AOAH: variants seen among roughly 807,000 people sequenced by gnomAD.
AOAH encodes acyloxyacyl hydrolase (neutrophil).
Under a neutral mutation model 92.2 loss-of-function variants are expected in AOAH, and 64 were observed. The ratio of observed to expected loss-of-function variants is 0.69; its 90% CI spans 0.57 to 0.86. The LOEUF (loss-of-function observed/expected upper bound fraction) is 0.86. AOAH is among the 40% of genes least tolerant of loss of function. AOAH has a pLI of 0.00. For synonymous variants in AOAH, 263 were observed against 254.5 expected, an observed-to-expected ratio of 1.03 and a Z score of -0.32; for missense variants, 656 against 694.6, an observed-to-expected ratio of 0.94 and a Z score of 0.62.
chr7:36,674,071 A>G lies in AOAH; in HGVS notation c.224-62T>C. The G allele has an allele frequency of 3.3e-6, 3 of 900,866 alleles. 1 individual carries two copies. The highest frequency in any genetic ancestry group is 5.0e-4 in the Middle Eastern group (2 of 4,014). The allele number at this position is 900,866 out of a possible 1,614,324, so 55.8% of individuals were successfully genotyped here. ...ATTGCGACGAATTTAACACACCTTA[A>G]TAATGATTATCTTTGCTAGGAACTG... is the stretch of plus-strand genomic sequence containing the variant. On this transcript the variant is annotated intron_variant, in intron 2 of 20. Coordinates refer to ENST00000617537, the MANE Select transcript of AOAH (RefSeq NM_001637.4).
chr7:36,674,707 G>T (rs1796130299), intron 2 of AOAH, among the ~76,000 whole-genome samples: 1 of 152,174 alleles, frequency 6.6e-6, no homozygotes, highest in African/African-American at 2.4e-5. Flanking sequence ...CAGGATCTTA[G>T]CAGAGTTAGG....
intron 6 of AOAH, 103 bp from the exon 7 acceptor site, chr7:36,623,353 A>G: frequency 3.8e-6 from 4 of 1,040,698 alleles, no homozygotes; most frequent in Non-Finnish European, 5.8e-6. Context: ...TGTTGAGTTT[A>G]TGCCACAGAG....
At chr7:36,556,900 C>T (rs1434648517) in intron 13 of AOAH, among the ~76,000 whole-genome samples, 3 of 151,300 alleles carry the variant, frequency 2.0e-5, no homozygotes, top group Non-Finnish European at 4.4e-5. Context: ...GATGGGTTTC[C>T]TGAATACAGC....
chr7:36,646,335 C>G (rs1794222444), intron 4 of AOAH, among the ~76,000 whole-genome samples: 1 of 152,192 alleles, frequency 6.6e-6, no homozygotes, highest in Admixed American at 6.5e-5. Flanking sequence ...TATCTGGGCT[C>G]ATAAACAAGC....
chr7:36,556,367 G>C (rs1229107554), intron 13 of AOAH, among the ~76,000 whole-genome samples: 5 of 151,968 alleles, frequency 3.3e-5, no homozygotes, highest in African/African-American at 1.2e-4. Context: ...TATAATTTCT[G>C]TTCTTTTCCA....
At position 36,596,774 on chromosome 7, in the gene AOAH, G is replaced by A. The variant is rs150561383; in HGVS notation, c.847-2344C>T. ...CAGAATTCTGGGGCAATCAATTTAC[G>A]TTGTTTTCAGCCACCCAGCTTGTGG... On this transcript the variant is annotated intron_variant, in intron 11 of 20. Coordinates refer to ENST00000617537, the MANE Select transcript of AOAH (RefSeq NM_001637.4). 1.1e-3 allele frequency among the ~76,000 whole-genome samples: 173 copies of A among 152,226 alleles called. 2 individuals carry two copies. Among genetic ancestry groups the A allele is most frequent in the Middle Eastern group, 6.8e-3 (2 of 294 alleles).
At chr7:36,585,735 C>T (rs192623678) in intron 12 of AOAH, among the ~76,000 whole-genome samples, 2 of 152,206 alleles carry the variant, frequency 1.3e-5, no homozygotes, top group Non-Finnish European at 2.9e-5. Context: ...AAAATCCCAA[C>T]AAAGTGTTCA....
chr7:36,563,139 CT>C (rs1274219758), intron 13 of AOAH, among the ~76,000 whole-genome samples: 1 of 63,346 alleles, frequency 1.6e-5, no homozygotes, highest in Non-Finnish European at 2.9e-5. Flanking sequence ...AAGAATGAAA[CT>C]CCGTCTCAAA....
chr7:36,545,564 A>G (rs1368255721), intron 15 of AOAH, among the ~76,000 whole-genome samples: 1 of 152,204 alleles, frequency 6.6e-6, no homozygotes, highest in Non-Finnish European at 1.5e-5. Context: ...CATTGAAGAA[A>G]AACAATGGTT....
chr7:36,646,966 G>C (rs1562654980), intron 4 of AOAH, among the ~76,000 whole-genome samples: 1 of 152,174 alleles, frequency 6.6e-6, no homozygotes, highest in Non-Finnish European at 1.5e-5. Flanking sequence ...TATGAACTTG[G>C]AGGGTGGAGG....
chr7:36,618,787 C>A (rs1367569331), intron 9 of AOAH, among the ~76,000 whole-genome samples: 2 of 152,188 alleles, frequency 1.3e-5, no homozygotes, highest in African/African-American at 4.8e-5. Context: ...ATTCCTTTAG[C>A]CCCTGAGGAC....
Position 36,674,026 on chromosome 7 carries a change from G to T in AOAH, c.224-17C>A. ...ACAGTTTTTCTAAAAAATATAAAGAGGGAAATTGAATATATTTTTATTGCG... is the reference window on the plus strand; with the variant it reads ...ACAGTTTTTCTAAAAAATATAAAGATGGAAATTGAATATATTTTTATTGCG... On this transcript the variant is annotated splice_polypyrimidine_tract_variant and intron_variant, in intron 2 of 20. Transcript: ENST00000617537. The T allele has an allele frequency of 6.7e-7, 1 of 1,493,180 alleles. No homozygotes were observed. Among genetic ancestry groups the T allele is most frequent in the Non-Finnish European group, 9.3e-7 (1 of 1,072,506 alleles). The allele number at this position is 1,493,180 out of a possible 1,614,324, so 92.5% of individuals were successfully genotyped here. A position where few individuals can be genotyped will look rare whatever the true frequency, so the allele number is the denominator to read the frequency against.
chr7:36,518,153 A>T (rs1415448259), intron 20 of AOAH, among the ~76,000 whole-genome samples: 1 of 151,970 alleles, frequency 6.6e-6, no homozygotes, highest in African/African-American at 2.4e-5. Flanking sequence ...GCTGTACATT[A>T]TAAACATATT....
At chr7:36,533,371 A>T (rs1434169981) in intron 16 of AOAH, among the ~76,000 whole-genome samples, 1 of 152,202 alleles carries the variant, frequency 6.6e-6, no homozygotes, top group Non-Finnish European at 1.5e-5. Flanking sequence ...TTTTTCACTT[A>T]TACCTCTGAT....
intron 1 of AOAH, among the ~76,000 whole-genome samples, chr7:36,712,355 G>GT (rs1798824445): frequency 6.6e-6 from 1 of 152,074 alleles, no homozygotes; most frequent in Non-Finnish European, 1.5e-5. Context: ...AAAAATTCAG[G>GT]TTTTTTCTTA....
intron 1 of AOAH, among the ~76,000 whole-genome samples, chr7:36,702,098 TTATATC>T (rs1340791938): frequency 6.6e-6 from 1 of 152,164 alleles, no homozygotes; most frequent in African/African-American, 2.4e-5. Context: ...GTCATACATT[TTATATC>T]TATAAGTGTT....
intron 1 of AOAH, among the ~76,000 whole-genome samples, chr7:36,713,951 G>T (rs1798953925): frequency 6.6e-6 from 1 of 152,158 alleles, no homozygotes; most frequent in African/African-American, 2.4e-5. Flanking sequence ...TCAAAAGCTA[G>T]CAGAAGGCAA....
intron 17 of AOAH, 32 bp from the exon 18 acceptor site, chr7:36,532,238 G>A: frequency 1.9e-6 from 3 of 1,614,206 alleles, no homozygotes; most frequent in Non-Finnish European, 2.5e-6. Flanking sequence ...TGATTACAGA[G>A]GATCAGGGTA....
In AOAH at chr7:36,517,208, TTC is replaced by T. The variant is rs372273334; in HGVS notation, c.1600-3830_1600-3829del. On this transcript the variant is annotated intron_variant, in intron 20 of 20. Transcript: ENST00000617537. ...TTTCTTTCTTTCTTTCTTTCTTTCTTTCTTTCTCTTTCTTTCTGTCTCTCTCT... is the reference window on the plus strand; with the variant it reads ...TTTCTTTCTTTCTTTCTTTCTTTCTTTTTCTCTTTCTTTCTGTCTCTCTCT... Among the ~76,000 whole-genome samples, 178 of 67,964 alleles carry T rather than the reference TTC, an allele frequency of 2.6e-3. 3 individuals are homozygous for T. Among genetic ancestry groups the T allele is most frequent in the South Asian group, 9.8e-3 (17 of 1,742 alleles). The allele number at this position is 67,964 out of a possible 152,430, so 44.6% of individuals were successfully genotyped here.
Sources: allele counts gnomAD v4.1 joint callset (sites outside exome capture counted in the v4.1 genomes callset), GRCh38; gene constraint gnomAD v4.1.1; transcripts MANE v1.5; gene names NCBI Gene and HGNC (gene_info 2026-07-23, HGNC 2026-07-21).